ZNF497: variants seen among roughly 807,000 people sequenced by gnomAD.
The protein encoded by ZNF497 is zinc finger protein 497, also known as zinc finger-like protein.
For synonymous variants in ZNF497, 422 were observed against 313.7 expected (o/e 1.35, Z -3.65); for missense variants, 930 against 714.0 (o/e 1.30, Z -3.45).
In ZNF497 at chr19:58,356,209, C is replaced by A. The variant is rs375145117; in HGVS notation, c.1427G>T (p.Gly476Val). ...GERPYACGEC[G>V]KPFSHRCNLN... ...GTTGCAACGGTGGCTGAAAGGCTTC[C>A]CGCACTCGCCGCAAGCGTAGGGCCT... is the stretch of plus-strand genomic sequence containing the variant. The change falls in exon 3 of 3, where the codon GGG becomes GTG. Residue 476 changes from glycine (G) to valine (V), a missense_variant. Transcript: ENST00000311044. 8.7e-6 allele frequency: 14 copies of A among 1,601,236 alleles called. No homozygotes were observed. The African/African-American group carries it at 1.7e-4, about 20-fold the overall frequency.
rs780527790 is a variant in ZNF497 at position 58,356,914 on chromosome 19, G to A, written c.722C>T (p.Thr241Met). 46 of 1,593,728 alleles carry A rather than the reference G, an allele frequency of 2.9e-5. No individual in the cohort carries two copies. The highest frequency in any genetic ancestry group is 3.3e-4 in the Middle Eastern group (2 of 6,070). The change falls in exon 3 of 3, where the codon ACG (threonine) becomes ATG (methionine). Residue 241 changes from threonine to methionine, a missense_variant. By Grantham distance (81) the Thr-to-Met change is moderately conservative. Coordinates refer to ENST00000311044, the MANE Select transcript of ZNF497 (RefSeq NM_198458.3). ...SNFLEHRRVH[T>M]GARPHACRDC... ...CCGGCAGGCGTGCGGCCGCGCGCCC[G>A]TGTGCACGCGCCGGTGCTCCAGGAA... is the stretch of plus-strand genomic sequence containing the variant.
At position 58,356,237 on chromosome 19, in the gene ZNF497, C is replaced by T; in HGVS notation, c.1399G>A (p.Glu467Lys). ...LLSHRRTHTG[E>K]RPYACGECGK... ...CACTCGCCGCAAGCGTAGGGCCTCT[C>T]GCCCGTGTGCGTGCGCCGGTGGCTT... is the stretch of plus-strand genomic sequence containing the variant. Residue 467 changes from glutamate (E) to lysine (K), a missense_variant, in exon 3 of 3, where the codon GAG (glutamate) becomes AAG (lysine). Coordinates refer to ENST00000311044, the MANE Select transcript of ZNF497 (RefSeq NM_198458.3). 1 of 1,607,334 alleles carries T rather than the reference C, an allele frequency of 6.2e-7. No homozygotes were observed.
intron 1 of ZNF497, chr19:58,359,087 T>C (rs1296606427): frequency 1.2e-6 from 1 of 861,688 alleles, no homozygotes; most frequent in East Asian, 5.6e-5. Flanking sequence ...CATCAGCCAC[T>C]GGCAACACAG....
At position 58,356,756 on chromosome 19, in the gene ZNF497, G is replaced by A. The variant is rs2052027515; in HGVS notation, c.880C>T (p.Arg294Cys). Residue 294 changes from arginine to cysteine, a missense_variant, in exon 3 of 3, where the codon CGC becomes TGC. Physicochemically the swap from Arg to Cys is radical, Grantham distance 180. Transcript: ENST00000311044. ...VRVAGLRQHR[R>C]THSSEKPFPC... is the part of the protein sequence containing the mutation. The stretch of plus-strand genomic sequence containing the variant: ...AAGGGCTTCTCGCTGCTGTGCGTGC[G>A]CCGGTGCTGCCGCAGCCCCGCCACA... 1 of 1,560,280 alleles carries A rather than the reference G, an allele frequency of 6.4e-7. No homozygotes were observed. Among genetic ancestry groups the A allele is most frequent in the Non-Finnish European group, 8.6e-7 (1 of 1,159,732 alleles).
At chr19:58,357,886 CG>C in intron 2 of ZNF497, 1 of 1,367,452 alleles carries the variant, frequency 7.3e-7, no homozygotes, top group Non-Finnish European at 9.5e-7. Flanking sequence ...TCCCCACACC[CG>C]GCCCGGCCCA....
chr19:58,358,369 C>T (rs548624139), intron 2 of ZNF497, 120 bp downstream of exon 2: 61 of 1,212,822 alleles, frequency 5.0e-5, no homozygotes, highest in Non-Finnish European at 5.7e-5. Context: ...CTTCCCACAG[C>T]GAAGTCTCTA....
intron 1 of ZNF497, chr19:58,359,124 G>A (rs767460337): frequency 1.7e-5 from 21 of 1,205,890 alleles, no homozygotes; most frequent in African/African-American, 1.6e-5. Context: ...AGGGCCCCTC[G>A]GGGCCCTGCT....
Position 58,355,871 on chromosome 19 carries a change from A to ACGAAC in ZNF497, c.*263_*267dup. The stretch of plus-strand genomic sequence containing the variant: ...CCAGTTCTTGCCCACCTCTGCATGG[A>ACGAAC]CGAACCTCTCGCCGAAGTGGAGCCT... On this transcript the variant is annotated 3_prime_UTR_variant, in exon 3 of 3. Transcript: ENST00000311044. 4.5e-6 allele frequency: 2 copies of ACGAAC among 449,362 alleles called. No homozygotes were observed. Among genetic ancestry groups the ACGAAC allele is most frequent in the Non-Finnish European group, 7.8e-6 (2 of 254,976 alleles). The allele number at this position is 449,362 out of a possible 1,614,324, so 27.8% of individuals were successfully genotyped here.
At chr19:58,360,808 G>GTCTTGCTCTGTCGCCC (rs2052084971) in intron 1 of ZNF497, among the ~76,000 whole-genome samples, 1 of 93,208 alleles carries the variant, frequency 1.1e-5, no homozygotes, top group Non-Finnish European at 1.9e-5. Context: ...TTTGAGAAGA[G>GTCTTGCTCTGTCGCCC]TCTTGCTCTG....
Position 58,357,138 on chromosome 19 carries a change from C to A in ZNF497, c.498G>T (p.Glu166Asp). 1.2e-6 allele frequency: 2 copies of A among 1,602,482 alleles called. No homozygotes were observed. Among genetic ancestry groups the A allele is most frequent in the Non-Finnish European group, 1.7e-6 (2 of 1,172,216 alleles). The change falls in exon 3 of 3, where the codon GAG (glutamate) becomes GAT (aspartate). Residue 166 changes from glutamate to aspartate, a missense_variant. Transcript: ENST00000311044. ...AGTGCGCGCGGAAGGCCTTGCCGCA[C>A]TCCCTGCAAGCGTAGGGCTTCTCGC... ...HSGEKPYACRECGKAFRAHSQ... is the reference protein window; with the variant it reads ...HSGEKPYACRDCGKAFRAHSQ...
rs889498663 is a variant in ZNF497 at position 58,359,112 on chromosome 19, C to A, written c.-111-527G>T. ...TGGCAACACAGCTCACGCAGCTGAG[C>A]CAGGGCCCCTCGGGGCCCTGCTGCC... On this transcript the variant is annotated intron_variant, in intron 1 of 2. Transcript: ENST00000311044. 6 of 1,101,228 alleles carry A rather than the reference C, an allele frequency of 5.4e-6. No individual in the cohort carries two copies. The African/African-American group carries it at 8.0e-5, about 15-fold the overall frequency. The allele number at this position is 1,101,228 out of a possible 1,614,324, so 68.2% of individuals were successfully genotyped here. A position where few individuals can be genotyped will look rare whatever the true frequency, so the allele number is the denominator to read the frequency against.
rs1163813000 is a variant in ZNF497, at chr19:58,355,463, AT to A, written c.*675del. 1 of 152,294 alleles carries A rather than the reference AT, an allele frequency of 6.6e-6. No individual in the cohort carries two copies. Among genetic ancestry groups the A allele is most frequent in the African/African-American group, 2.4e-5 (1 of 41,424 alleles). The allele number at this position is 152,294 out of a possible 1,614,324, so 9.4% of individuals were successfully genotyped here. On this transcript the variant is annotated 3_prime_UTR_variant, in exon 3 of 3. Transcript: ENST00000311044. Reference sequence around the variant, plus strand: ...GAAGTCGCGGCTGCAATAAACAGTGATTGCACCACTGCACTCCAGCCTGGGT... The same window carrying A: ...GAAGTCGCGGCTGCAATAAACAGTGATGCACCACTGCACTCCAGCCTGGGT...
chr19:58,356,389 C>T lies in ZNF497; in HGVS notation c.1247G>A (p.Cys416Tyr), dbSNP rs1043181332. 2.6e-6 allele frequency: 4 copies of T among 1,567,426 alleles called. No individual in the cohort carries two copies. Among genetic ancestry groups the T allele is most frequent in the South Asian group, 2.3e-5 (2 of 86,498 alleles). Residue 416 changes from cysteine to tyrosine, a missense_variant, in exon 3 of 3, where the codon TGC becomes TAC. Transcript: ENST00000311044. The stretch of plus-strand genomic sequence containing the variant: ...GCGGAAGGCCTTGCCGCATTCTGCG[C>T]AGGCGAAGGGTCGCTCTCCCGTGTG... ...LSHTGERPFA[C>Y]AECGKAFRGS...
At chr19:58,357,959 G>A (rs1032898931) in intron 2 of ZNF497, 30 of 1,316,172 alleles carry the variant, frequency 2.3e-5, no homozygotes, top group Non-Finnish European at 2.8e-5. Flanking sequence ...CACCTGCACT[G>A]GCCCTACTGT....
chr19:58,356,801 AGTCGG>A lies in ZNF497; in HGVS notation c.830_834del (p.Pro277LeufsTer49). 6.3e-7 allele frequency: 1 copy of A among 1,579,046 alleles called. No individual in the cohort carries two copies. On this transcript the variant is annotated frameshift_variant, in exon 3 of 3. Coordinates refer to ENST00000311044, the MANE Select transcript of ZNF497 (RefSeq NM_198458.3). ...GCCACACGCACGAAGGCCTTGCCGC[AGTCGG>A]GACAGGCGTGTGGCCGTGCGCCCGC...
chr19:58,356,392 G>T lies in ZNF497; in HGVS notation c.1244C>A (p.Ala415Asp). The part of the protein sequence containing the change: ...RLSHTGERPF[A>D]CAECGKAFRG... Reference sequence around the variant, plus strand: ...GAAGGCCTTGCCGCATTCTGCGCAGGCGAAGGGTCGCTCTCCCGTGTGCGA... The same window carrying T: ...GAAGGCCTTGCCGCATTCTGCGCAGTCGAAGGGTCGCTCTCCCGTGTGCGA... Residue 415 changes from alanine to aspartate, a missense_variant, in exon 3 of 3, where the codon GCC becomes GAC. Transcript: ENST00000311044. 6.4e-7 allele frequency: 1 copy of T among 1,565,096 alleles called. No individual in the cohort carries two copies.
At chr19:58,362,125 GCCC>G (rs1296076898) in intron 1 of ZNF497, among the ~76,000 whole-genome samples, 1 of 152,170 alleles carries the variant, frequency 6.6e-6, no homozygotes, top group Non-Finnish European at 1.5e-5. Context: ...CAGCGCCCAC[GCCC>G]CCAACAACGG....
intron 1 of ZNF497, among the ~76,000 whole-genome samples, chr19:58,360,455 C>T (rs763855529): frequency 6.6e-6 from 1 of 152,116 alleles, no homozygotes; most frequent in South Asian, 2.1e-4. Flanking sequence ...AGGCTCAAGC[C>T]ATCTTCCCAC....
At chr19:58,361,236 AAG>A (rs2052090441) in intron 1 of ZNF497, among the ~76,000 whole-genome samples, 1 of 152,208 alleles carries the variant, frequency 6.6e-6, no homozygotes. Context: ...AGTTGACAAA[AAG>A]AGGTTAACGG....
Sources: gnomAD v4.1 joint callset for allele counts (sites outside exome capture counted in the v4.1 genomes callset) on GRCh38, gnomAD v4.1.1 for gene constraint, MANE v1.5 for transcripts, NCBI Gene and HGNC (gene_info 2026-07-23, HGNC 2026-07-21) for gene names.